SPRY4: variants seen among roughly 807,000 people sequenced by gnomAD.
The protein encoded by SPRY4 is protein sprouty homolog 4.
In SPRY4, 7 loss-of-function variants were observed where a neutral mutation model predicts 17.0. The observed-to-expected ratio is 0.41, with a 90% CI of 0.23 to 0.77. SPRY4 has a LOEUF of 0.77. SPRY4 is among the 30% of genes least tolerant of loss of function. The pLI, the probability that SPRY4 is intolerant of heterozygous loss-of-function variation, is 0.32. For synonymous variants in SPRY4, 183 were observed against 174.1 expected (o/e 1.05, Z -0.40); for missense variants, 435 against 419.9 (o/e 1.04, Z -0.31).
In SPRY4 at chr5:142,312,147, G is replaced by C. The variant is rs1272229202; in HGVS notation, c.*2062C>G. On this transcript the variant is annotated 3_prime_UTR_variant, in exon 2 of 2. Coordinates refer to ENST00000434127, the MANE Select transcript of SPRY4 (RefSeq NM_001127496.3). The stretch of plus-strand genomic sequence containing the variant: ...TATCAATTTTGGGGCCCCCTCATCT[G>C]AGGAAAACCATCTCCAGTCCCTTCA... 3 of 152,516 alleles carry C rather than the reference G, an allele frequency of 2.0e-5. No individual in the cohort carries two copies. The highest frequency in any genetic ancestry group is 4.4e-5 in the Non-Finnish European group (3 of 68,022). 9.4% of individuals were successfully genotyped at this position (152,516 alleles called of 1,614,324 possible). A position where few individuals can be genotyped will look rare whatever the true frequency, so the allele number is the denominator to read the frequency against.
In SPRY4 at chr5:142,314,631, C is replaced by G; in HGVS notation, c.478G>C (p.Glu160Gln). 1 of 1,614,238 alleles carries G rather than the reference C, an allele frequency of 6.2e-7. No individual in the cohort carries two copies. The highest frequency in any genetic ancestry group is 8.5e-7 in the Non-Finnish European group (1 of 1,180,038). The change falls in exon 2 of 2, where the codon GAG (glutamate) becomes CAG (glutamine). Residue 160 changes from glutamate to glutamine, a missense_variant. Coordinates refer to ENST00000434127, the MANE Select transcript of SPRY4 (RefSeq NM_001127496.3). This position sits in a 1 kb window ranked among gnomAD's most constrained non-coding sequence, Gnocchi z 4.8. ...PELDKHFLLCEACGKCKCKEC... is the reference protein window; with the variant it reads ...PELDKHFLLCQACGKCKCKEC... ...TTGCATTTACACTTCCCACAGGCCT[C>G]GCACAGCAAGAAGTGCTTGTCCAGC...
chr5:142,314,859 C>A lies in SPRY4; in HGVS notation c.250G>T (p.Asp84Tyr). The A allele has an allele frequency of 6.3e-7, 1 of 1,592,188 alleles. No individual in the cohort carries two copies. Residue 84 changes from aspartate to tyrosine, a missense_variant, in exon 2 of 2, where the codon GAT becomes TAT. Physicochemically the swap from Asp to Tyr is radical, Grantham distance 160 (BLOSUM62 -3). Transcript: ENST00000434127. This position sits in a 1 kb window ranked among gnomAD's most constrained non-coding sequence, Gnocchi z 4.8. ...AAGGAGATCCAATGGTGGGTGACAT[C>A]CTGGTCACAGCGGGCGGGCGTCGGG... ...LAPTPARCDQDVTHHWISFSG... is the reference protein window; with the variant it reads ...LAPTPARCDQYVTHHWISFSG...
At chr5:142,317,606 T>A (rs1759199096) in intron 1 of SPRY4, 1 of 985,132 alleles carries the variant, frequency 1.0e-6, no homozygotes, top group South Asian at 4.7e-5. Context: ...CTCCCTTTCC[T>A]TAAGCAGATT....
At chr5:142,317,596 C>T in intron 1 of SPRY4, 1 of 984,978 alleles carries the variant, frequency 1.0e-6, no homozygotes, top group Non-Finnish European at 1.2e-6. Context: ...AAGTAAAAGA[C>T]TCCCTTTCCT....
intron 1 of SPRY4, among the ~76,000 whole-genome samples, chr5:142,316,363 C>T (rs1176598115): frequency 6.6e-6 from 1 of 152,090 alleles, no homozygotes; most frequent in African/African-American, 2.4e-5. Flanking sequence ...CATTTCCTTG[C>T]CTGCTGACCT....
At chr5:142,317,481 G>C in intron 1 of SPRY4, 1 of 985,314 alleles carries the variant, frequency 1.0e-6, no homozygotes, top group African/African-American at 1.7e-5. Context: ...GAATATTCAG[G>C]GTCCTGCCAA....
intron 1 of SPRY4, chr5:142,317,006 G>A: frequency 9.1e-6 from 9 of 985,406 alleles, no homozygotes; most frequent in East Asian, 1.1e-4. Flanking sequence ...TGTTCTCTTC[G>A]GATGAAACCA....
chr5:142,323,304 C>T (rs1043885326), intron 1 of SPRY4, among the ~76,000 whole-genome samples: 1 of 152,216 alleles, frequency 6.6e-6, no homozygotes, highest in African/African-American at 2.4e-5. Context: ...TTGCTCCCGC[C>T]CCTCTGCAAG....
chr5:142,311,191 T>G lies in SPRY4; in HGVS notation c.*3018A>C, dbSNP rs1758894389. 2.0e-5 allele frequency: 1 copy of G among 49,734 alleles called. No individual in the cohort carries two copies. Among genetic ancestry groups the G allele is most frequent in the Non-Finnish European group, 4.6e-5 (1 of 21,716 alleles). The allele number at this position is 49,734 out of a possible 1,614,324, so 3.1% of individuals were successfully genotyped here. On this transcript the variant is annotated 3_prime_UTR_variant, in exon 2 of 2. Transcript: ENST00000434127. The stretch of plus-strand genomic sequence containing the variant: ...CCCTTCCTGCTCAGGAAAGCCTTAG[T>G]TGTGCCCAATCTTTTCTCTGGGAGG...
chr5:142,320,079 CAG>C (rs1335770104), intron 1 of SPRY4, among the ~76,000 whole-genome samples: 2 of 152,196 alleles, frequency 1.3e-5, no homozygotes, highest in African/African-American at 4.8e-5. Context: ...TCTAGGCTGC[CAG>C]AGAGCCTGCC....
At chr5:142,316,614 C>CT (rs1759162063) in intron 1 of SPRY4, among the ~76,000 whole-genome samples, 1 of 152,104 alleles carries the variant, frequency 6.6e-6, no homozygotes, top group Admixed American at 6.5e-5. Context: ...TTAGTAAATG[C>CT]TTTTGCATTT....
rs904094644 is a variant in SPRY4, at chr5:142,318,202, A to C, written c.-47-3047T>G. 6.9e-5 allele frequency: 68 copies of C among 984,796 alleles called. No homozygotes were observed. The African/African-American group carries it at 1.1e-3, about 16-fold the overall frequency. The allele number at this position is 984,796 out of a possible 1,614,324, so 61.0% of individuals were successfully genotyped here. A position where few individuals can be genotyped will look rare whatever the true frequency, so the allele number is the denominator to read the frequency against. ...AAGAAAGAAAAAAAGAAAAGAAAGA[A>C]GGCCTGGCGCAGTGGCTCATGCCTG... On this transcript the variant is annotated intron_variant, in intron 1 of 1. Coordinates refer to ENST00000434127, the MANE Select transcript of SPRY4 (RefSeq NM_001127496.3).
Position 142,314,462 on chromosome 5 carries a change from T to A in SPRY4, c.647A>T (p.Glu216Val). The A allele has an allele frequency of 6.2e-7, 1 of 1,614,118 alleles. No individual in the cohort carries two copies. The highest frequency in any genetic ancestry group is 8.5e-7 in the Non-Finnish European group (1 of 1,180,004). ...GCAGGGGTGGTCAGCGCAGGAGCCCTCATCGTCCTCATTCGTGCAGTGGTA... is the reference window on the plus strand; with the variant it reads ...GCAGGGGTGGTCAGCGCAGGAGCCCACATCGTCCTCATTCGTGCAGTGGTA... Reference protein sequence around the residue: ...IFYHCTNEDDEGSCADHPCSC... With the variant: ...IFYHCTNEDDVGSCADHPCSC... Residue 216 changes from glutamate to valine, a missense_variant, in exon 2 of 2, where the codon GAG (glutamate) becomes GTG (valine). Coordinates refer to ENST00000434127, the MANE Select transcript of SPRY4 (RefSeq NM_001127496.3). The surrounding 1 kb of genome is among the most constrained non-coding windows in gnomAD (Gnocchi z 4.8).
In SPRY4 at chr5:142,314,794, T is replaced by TGTG. The variant is rs1759082477; in HGVS notation, c.312_314dup (p.Thr105dup). 6.3e-7 allele frequency: 1 copy of TGTG among 1,596,506 alleles called. No homozygotes were observed. Among genetic ancestry groups the TGTG allele is most frequent in the Admixed American group, 1.7e-5 (1 of 59,352 alleles). ...GGTCTAAGAGCCGTTGGTCAGAGGA[T>TGTG]GTGCTGCTGCTGCTGCTCACAGAGC... On this transcript the variant is annotated inframe_insertion, in exon 2 of 2. Coordinates refer to ENST00000434127, the MANE Select transcript of SPRY4 (RefSeq NM_001127496.3). The surrounding 1 kb of genome is among the most constrained non-coding windows in gnomAD (Gnocchi z 4.8).
chr5:142,322,765 T>C (rs1759389052), intron 1 of SPRY4, among the ~76,000 whole-genome samples: 1 of 152,220 alleles, frequency 6.6e-6, no homozygotes, highest in Non-Finnish European at 1.5e-5. Flanking sequence ...TATTTGTCCA[T>C]GAAGATTTCA....
At chr5:142,316,942 G>A (rs1759173540) in intron 1 of SPRY4, 39 of 959,762 alleles carry the variant, frequency 4.1e-5, no homozygotes, top group Admixed American at 6.2e-5. Context: ...TTCTTTACAC[G>A]CCTTGTTTTT....
At chr5:142,317,354 G>A (rs376498068) in intron 1 of SPRY4, 1 of 985,438 alleles carries the variant, frequency 1.0e-6, no homozygotes, top group African/African-American at 1.7e-5. Context: ...CTGGAGGAAA[G>A]GGTGTGGCTT....
Position 142,315,166 on chromosome 5 carries a change from G to C in SPRY4, c.-47-11C>G. Reference sequence around the variant, plus strand: ...AGGCTTCTAGGGGCCCTGGGGGTGGGGTGGGGAAAAGGAAGAGAGAATGGA... The same window carrying C: ...AGGCTTCTAGGGGCCCTGGGGGTGGCGTGGGGAAAAGGAAGAGAGAATGGA... On this transcript the variant is annotated splice_polypyrimidine_tract_variant and intron_variant, in intron 1 of 1. Coordinates refer to ENST00000434127, the MANE Select transcript of SPRY4 (RefSeq NM_001127496.3). 1 of 1,542,962 alleles carries C rather than the reference G, an allele frequency of 6.5e-7. No individual in the cohort carries two copies. The highest frequency in any genetic ancestry group is 1.1e-5 in the South Asian group (1 of 88,346).
chr5:142,323,488 C>A (rs979085259), intron 1 of SPRY4, among the ~76,000 whole-genome samples: 9 of 152,224 alleles, frequency 5.9e-5, no homozygotes, highest in Non-Finnish European at 7.3e-5. Flanking sequence ...AGAAGGCGGC[C>A]TCCTGCCCTC....
Sources: allele counts gnomAD v4.1 joint callset (sites outside exome capture counted in the v4.1 genomes callset), GRCh38; gene constraint gnomAD v4.1.1; non-coding constraint Gnocchi (gnomAD v3.1); transcripts MANE v1.5; gene names NCBI Gene and HGNC (gene_info 2026-07-23, HGNC 2026-07-21).